ANKIB1: variants seen among roughly 807,000 people sequenced by gnomAD.
The protein encoded by ANKIB1 is ankyrin repeat and IBR domain containing 1.
ANKIB1 carries 43 observed loss-of-function variants against 122.1 expected under a neutral mutation model. That is an observed-to-expected ratio of 0.35 (90% CI 0.28 to 0.45). ANKIB1 has a LOEUF of 0.45. Ranked by LOEUF, ANKIB1 falls within the 20% of genes least tolerant of loss-of-function variation. The pLI, the probability that ANKIB1 is intolerant of heterozygous loss-of-function variation, is 1.00. For missense variants in ANKIB1, 992 were observed against 1,329.5 expected (o/e 0.75, Z 3.95); for synonymous variants, 390 against 442.0 (o/e 0.88, Z 1.48).
At chr7:92,363,585 G>A (rs1804001677) in intron 10 of ANKIB1, among the ~76,000 whole-genome samples, 1 of 152,222 alleles carries the variant, frequency 6.6e-6, no homozygotes, top group South Asian at 2.1e-4. Flanking sequence ...TCAGGTTGGG[G>A]GAAGAAAGGG....
At position 92,400,169 on chromosome 7, in the gene ANKIB1, TTCAA is replaced by T. The variant is rs2115737573; in HGVS notation, c.*1224_*1227del. On this transcript the variant is annotated 3_prime_UTR_variant, in exon 20 of 20. Transcript: ENST00000265742. The stretch of plus-strand genomic sequence containing the variant: ...TTACACTAACTATAACAACTAAATG[TTCAA>T]TCAGTTTGTTTGCCTAACTAGCAAA... The T allele has an allele frequency of 6.6e-6, 1 of 152,350 alleles. No homozygotes were observed. Among genetic ancestry groups the T allele is most frequent in the Admixed American group, 6.5e-5 (1 of 15,302 alleles). The allele number at this position is 152,350 out of a possible 1,614,324, so 9.4% of individuals were successfully genotyped here. A position where few individuals can be genotyped will look rare whatever the true frequency, so the allele number is the denominator to read the frequency against.
intron 1 of ANKIB1, among the ~76,000 whole-genome samples, chr7:92,280,030 G>C (rs1353870817): frequency 6.6e-6 from 1 of 152,204 alleles, no homozygotes; most frequent in Non-Finnish European, 1.5e-5. Flanking sequence ...TTTAACTGCA[G>C]ACATTCTAGT....
chr7:92,314,814 G>A (rs1010216809), intron 3 of ANKIB1, among the ~76,000 whole-genome samples: 2 of 152,150 alleles, frequency 1.3e-5, no homozygotes, highest in Non-Finnish European at 2.9e-5. Context: ...CCAGACATTG[G>A]TAAGTTGAGT....
intron 10 of ANKIB1, among the ~76,000 whole-genome samples, chr7:92,362,908 T>TC (rs78783151): frequency 0.096 from 14,535 of 152,182 alleles, 908 homozygotes; most frequent in East Asian, 0.36. Context: ...CTGAGGGGAC[T>TC]CCTTTTTAAA....
At chr7:92,255,150 GTCTT>G in intron 1 of ANKIB1, among the ~76,000 whole-genome samples, 1 of 152,164 alleles carries the variant, frequency 6.6e-6, no homozygotes, top group Non-Finnish European at 1.5e-5. Context: ...TCTTGGGTAT[GTCTT>G]TATCAGCAAT....
intron 3 of ANKIB1, among the ~76,000 whole-genome samples, chr7:92,315,113 A>G (rs1051614533): frequency 1.3e-5 from 2 of 152,212 alleles, no homozygotes; most frequent in African/African-American, 2.4e-5. Context: ...ACCTGCTATC[A>G]CATCTATAAT....
chr7:92,292,324 C>CT (rs1299064293), intron 1 of ANKIB1, among the ~76,000 whole-genome samples: 1 of 152,094 alleles, frequency 6.6e-6, no homozygotes, highest in African/African-American at 2.4e-5. Context: ...TGCCATTATC[C>CT]TTTTCAACAG....
rs748272989 is a variant in ANKIB1, at chr7:92,267,106, AG to A, written c.-91+20589del. ...GCAAATGGGAAATGATGAATGGAAC[AG>A]GTATGTAAACAACTCTTTCGAGAAG... On this transcript the variant is annotated intron_variant, in intron 1 of 19. Coordinates refer to ENST00000265742, the MANE Select transcript of ANKIB1 (RefSeq NM_019004.2). Among the ~76,000 whole-genome samples, 4 of 152,336 alleles carry A rather than the reference AG, an allele frequency of 2.6e-5. 1 individual carries two copies.
chr7:92,384,523 G>T (rs1038688662), intron 11 of ANKIB1, among the ~76,000 whole-genome samples: 1 of 152,114 alleles, frequency 6.6e-6, no homozygotes, highest in Admixed American at 6.5e-5. Context: ...GCATGGTACT[G>T]GTACCAAAAC....
intron 8 of ANKIB1, 146 bp from the exon 9 acceptor site, chr7:92,352,330 A>C: frequency 2.5e-6 from 2 of 813,366 alleles, no homozygotes; most frequent in Non-Finnish European, 3.7e-6. Context: ...GTACTATTTA[A>C]ATTTCTTGAG....
At chr7:92,378,519 A>AC (rs1320665600) in intron 11 of ANKIB1, among the ~76,000 whole-genome samples, 1 of 152,126 alleles carries the variant, frequency 6.6e-6, no homozygotes, top group African/African-American at 2.4e-5. Flanking sequence ...TCTTTATAAA[A>AC]CAGTCAAAGA....
intron 11 of ANKIB1, among the ~76,000 whole-genome samples, chr7:92,376,315 C>T (rs1342852642): frequency 6.6e-6 from 1 of 152,198 alleles, no homozygotes; most frequent in Non-Finnish European, 1.5e-5. Context: ...TACTAGAAAG[C>T]AGTTTCATCT....
intron 3 of ANKIB1, among the ~76,000 whole-genome samples, chr7:92,316,830 AT>A (rs1802802536): frequency 6.6e-6 from 1 of 152,172 alleles, no homozygotes; most frequent in South Asian, 2.1e-4. Context: ...AGCTTCTTAA[AT>A]TTTGTTGTCT....
chr7:92,376,738 C>T (rs888948394), intron 11 of ANKIB1, among the ~76,000 whole-genome samples: 2 of 152,086 alleles, frequency 1.3e-5, no homozygotes, highest in Non-Finnish European at 2.9e-5. Context: ...CGTGAGCCAC[C>T]GTGCCCGGCC....
intron 3 of ANKIB1, among the ~76,000 whole-genome samples, chr7:92,313,720 C>A (rs1194607736): frequency 2.0e-5 from 3 of 152,076 alleles, no homozygotes; most frequent in Non-Finnish European, 4.4e-5. Flanking sequence ...TCAGTTCTGA[C>A]AACTTGTTAT....
At chr7:92,364,457 T>C (rs941553915) in intron 10 of ANKIB1, among the ~76,000 whole-genome samples, 3 of 151,562 alleles carry the variant, frequency 2.0e-5, no homozygotes, top group African/African-American at 7.3e-5. Flanking sequence ...CTTCCATAAA[T>C]AGATTCATAC....
At chr7:92,257,705 T>C (rs1801476435) in intron 1 of ANKIB1, among the ~76,000 whole-genome samples, 1 of 152,162 alleles carries the variant, frequency 6.6e-6, no homozygotes, top group Non-Finnish European at 1.5e-5. Context: ...GGCAGGAGAA[T>C]CACTTGAACC....
intron 1 of ANKIB1, among the ~76,000 whole-genome samples, chr7:92,254,583 T>A (rs1162266136): frequency 6.6e-6 from 1 of 152,218 alleles, no homozygotes; most frequent in Admixed American, 6.5e-5. Context: ...TAGCTACTTA[T>A]GAGGCTAGCC....
At position 92,246,020 on chromosome 7, in the gene ANKIB1, C is replaced by T; in HGVS notation, c.-590C>T. ...CCGTTCCTGCTCCTTTTCACTGGAC[C>T]TGCAGTCTCTCAGGGGCTGGTGGCA... is the stretch of plus-strand genomic sequence containing the variant. On this transcript the variant is annotated 5_prime_UTR_variant, in exon 1 of 20. Coordinates refer to ENST00000265742, the MANE Select transcript of ANKIB1 (RefSeq NM_019004.2). 1 of 257,186 alleles carries T rather than the reference C, an allele frequency of 3.9e-6. No individual in the cohort carries two copies. The highest frequency in any genetic ancestry group is 7.6e-6 in the Non-Finnish European group (1 of 131,704). The allele number at this position is 257,186 out of a possible 1,614,324, so 15.9% of individuals were successfully genotyped here. A position where few individuals can be genotyped will look rare whatever the true frequency, so the allele number is the denominator to read the frequency against.
Sources: gnomAD v4.1 joint callset for allele counts (sites outside exome capture counted in the v4.1 genomes callset) on GRCh38, gnomAD v4.1.1 for gene constraint, MANE v1.5 for transcripts, NCBI Gene and HGNC (gene_info 2026-07-23, HGNC 2026-07-21) for gene names.